The following DIABLO variants were observed in gnomAD, a reference collection of about 807,000 sequenced individuals.
The protein encoded by DIABLO is diablo IAP-binding mitochondrial protein.
DIABLO carries 32 observed loss-of-function variants against 31.7 expected under a neutral mutation model. The ratio of observed to expected loss-of-function variants is 1.01; its 90% CI spans 0.76 to 1.35. DIABLO has a LOEUF of 1.35. Among genes scored for constraint, DIABLO ranks in the 40% most tolerant of loss-of-function variants. DIABLO has a pLI of 0.00. For synonymous variants in DIABLO, 132 were observed against 103.2 expected (o/e 1.28, Z -1.69); for missense variants, 316 against 286.4 (o/e 1.10, Z -0.75).
At chr12:122,211,864 CCTA>C (rs1484147932) in intron 5 of DIABLO, among the ~76,000 whole-genome samples, 3 of 152,194 alleles carry the variant, frequency 2.0e-5, no homozygotes, top group Admixed American at 6.5e-5. Flanking sequence ...ATTGTTCTGT[CCTA>C]CTGATTACTT....
chr12:122,219,844 G>A (rs1211766862), intron 2 of DIABLO, among the ~76,000 whole-genome samples: 19 of 149,882 alleles, frequency 1.3e-4, no homozygotes, highest in African/African-American at 3.2e-4. Flanking sequence ...CAGCCTGGGC[G>A]ACAGAGCAAG....
At chr12:122,209,559 G>A in intron 5 of DIABLO, 1 of 535,932 alleles carries the variant, frequency 1.9e-6, no homozygotes, top group African/African-American at 1.9e-5. Context: ...CAGCTACTTG[G>A]GAGCCTGAAG....
rs189022944 is a variant in DIABLO, at chr12:122,207,974, A to T, written c.*407T>A. ...TTCCCCTCCCCCTGCCACAACTGGC[A>T]TCCCAACAGAGGGAACAAGTACTAA... On this transcript the variant is annotated 3_prime_UTR_variant, in exon 6 of 6. Coordinates refer to ENST00000464942, the MANE Select transcript of DIABLO (RefSeq NM_001371333.1). 14 of 469,050 alleles carry T rather than the reference A, an allele frequency of 3.0e-5. No individual in the cohort carries two copies. The East Asian group carries it at 4.7e-4, about 16-fold the overall frequency. 29.1% of individuals were successfully genotyped at this position (469,050 alleles called of 1,614,324 possible). A position where few individuals can be genotyped will look rare whatever the true frequency, so the allele number is the denominator to read the frequency against.
intron 2 of DIABLO, chr12:122,222,472 G>C (rs1318035186): frequency 6.6e-6 from 1 of 151,882 alleles, no homozygotes; most frequent in African/African-American, 2.4e-5. Context: ...GTGTGGTGGC[G>C]GGCGCCTGTA....
chr12:122,208,327 A>T lies in DIABLO; in HGVS notation c.*54T>A. ...TCATGCCAACCCTGGGCAGGGTGGC[A>T]TCTGCCCCTGCTTTCCCCACTGAGT... On this transcript the variant is annotated 3_prime_UTR_variant, in exon 6 of 6. Coordinates refer to ENST00000464942, the MANE Select transcript of DIABLO (RefSeq NM_001371333.1). The T allele has an allele frequency of 6.3e-7, 1 of 1,597,762 alleles. No homozygotes were observed. Among genetic ancestry groups the T allele is most frequent in the Non-Finnish European group, 8.5e-7 (1 of 1,171,534 alleles).
At chr12:122,225,458 C>A in intron 1 of DIABLO, 5 of 1,007,626 alleles carry the variant, frequency 5.0e-6, no homozygotes, top group Non-Finnish European at 5.9e-6. Flanking sequence ...ACCGCTCCTG[C>A]AGGCAGAATT....
At chr12:122,208,743 C>T in intron 5 of DIABLO, 166 bp from the exon 6 acceptor site, 1 of 738,820 alleles carries the variant, frequency 1.4e-6, no homozygotes. Flanking sequence ...CCTCTATGTT[C>T]AGGTCTGGAT....
chr12:122,214,294 T>C (rs1009016286), intron 5 of DIABLO, among the ~76,000 whole-genome samples: 2 of 152,072 alleles, frequency 1.3e-5, no homozygotes, highest in African/African-American at 4.8e-5. Flanking sequence ...GATCCTCCTA[T>C]CTTACCCTCC....
intron 2 of DIABLO, among the ~76,000 whole-genome samples, chr12:122,223,799 A>ATTTGT (rs1033007679): frequency 5.3e-5 from 8 of 151,920 alleles, no homozygotes; most frequent in Non-Finnish European, 1.2e-4. Context: ...CACTTACCTC[A>ATTTGT]TTTGTTTTGT....
At position 122,208,509 on chromosome 12, in the gene DIABLO, G is replaced by C. The variant is rs779040136; in HGVS notation, c.592C>G (p.His198Asp). ...GTTTCTGCTTTCCGGGAGAGCTGGT[G>C]CACCTCTTCCACCTGCAGTTTCACC... ...QLVKLQVEEV[H>D]QLSRKAETKL... The change falls in exon 6 of 6, where the codon CAC becomes GAC. Residue 198 changes from histidine to aspartate, a missense_variant. Physicochemically the swap from His to Asp is moderately conservative, Grantham distance 81. Transcript: ENST00000464942. The C allele has an allele frequency of 6.2e-7, 1 of 1,614,088 alleles. No homozygotes were observed. The highest frequency in any genetic ancestry group is 2.2e-5 in the East Asian group (1 of 44,886).
chr12:122,226,465 CCAG>C (rs1250301520), upstream of DIABLO: 1 of 699,218 alleles, frequency 1.4e-6, no homozygotes, highest in Non-Finnish European at 2.6e-6. Flanking sequence ...GTCCAGCCGG[CCAG>C]CAGCAGCGCC....
chr12:122,217,027 G>C, intron 3 of DIABLO, 158 bp from the exon 4 acceptor site: 1 of 649,514 alleles, frequency 1.5e-6, no homozygotes, highest in East Asian at 2.9e-5. Context: ...ATGAAGTAAA[G>C]GTATCAGGAC....
At chr12:122,218,236 T>C in intron 3 of DIABLO, 30 bp downstream of exon 3, 2 of 1,613,650 alleles carry the variant, frequency 1.2e-6, no homozygotes, top group Non-Finnish European at 1.7e-6. Flanking sequence ...AACCATGGTT[T>C]AGAAGATCAA....
intron 1 of DIABLO, chr12:122,225,118 C>T: frequency 3.1e-6 from 1 of 319,602 alleles, no homozygotes; most frequent in South Asian, 2.7e-5. Flanking sequence ...GAGGCTGAGG[C>T]AGGAGAATCG....
chr12:122,225,727 C>G, intron 1 of DIABLO: 4 of 1,426,224 alleles, frequency 2.8e-6, no homozygotes, highest in Non-Finnish European at 3.7e-6. Context: ...GAAGGCAGCC[C>G]GGGGTCTCGG....
At chr12:122,213,969 C>A (rs931017435) in intron 5 of DIABLO, among the ~76,000 whole-genome samples, 2 of 152,020 alleles carry the variant, frequency 1.3e-5, no homozygotes, top group African/African-American at 4.8e-5. Context: ...CTTCCAAGCC[C>A]AACTACTCAG....
intron 5 of DIABLO, among the ~76,000 whole-genome samples, chr12:122,213,114 G>C (rs1048416511): frequency 6.6e-6 from 1 of 151,964 alleles, no homozygotes; most frequent in South Asian, 2.1e-4. Flanking sequence ...GGGTTTCATC[G>C]TGTTGTCAAG....
rs778026918 is a variant in DIABLO at position 122,208,252 on chromosome 12, G to A, written c.*129C>T. 26 of 1,103,542 alleles carry A rather than the reference G, an allele frequency of 2.4e-5. No homozygotes were observed. Among genetic ancestry groups the A allele is most frequent in the African/African-American group, 7.8e-5 (5 of 64,286 alleles). The allele number at this position is 1,103,542 out of a possible 1,614,324, so 68.4% of individuals were successfully genotyped here. ...CACTCACAGCTCACAAAGGCGTCTC[G>A]CCTGATTGGCCAGGGCAGGATCTGC... On this transcript the variant is annotated 3_prime_UTR_variant, in exon 6 of 6. Transcript: ENST00000464942.
At position 122,207,874 on chromosome 12, in the gene DIABLO, T is replaced by TGAAAAA; in HGVS notation, c.*506_*507insTTTTTC. The TGAAAAA allele has an allele frequency of 2.2e-6, 1 of 460,302 alleles. No homozygotes were observed. Among genetic ancestry groups the TGAAAAA allele is most frequent in the Non-Finnish European group, 4.3e-6 (1 of 231,142 alleles). The allele number at this position is 460,302 out of a possible 1,614,324, so 28.5% of individuals were successfully genotyped here. On this transcript the variant is annotated 3_prime_UTR_variant, in exon 6 of 6. Coordinates refer to ENST00000464942, the MANE Select transcript of DIABLO (RefSeq NM_001371333.1). ...GTTTTTCACTCCTTGGCCTCAGCTG[T>TGAAAAA]CCTCACAGGACAGTGGGGGCAGATC...
Sources: allele counts gnomAD v4.1 joint callset (sites outside exome capture counted in the v4.1 genomes callset), GRCh38; gene constraint gnomAD v4.1.1; transcripts MANE v1.5; gene names NCBI Gene and HGNC (gene_info 2026-07-23, HGNC 2026-07-21).